Variants in P2RX7 observed in about 807,000 individuals in gnomAD.
P2RX7 encodes the protein purinergic receptor P2X 7.
A neutral mutation model predicts 71.6 loss-of-function variants in P2RX7; 62 were observed. That is an observed-to-expected ratio of 0.87 (90% CI 0.71 to 1.07). P2RX7 has a LOEUF of 1.07. Among genes scored for constraint, P2RX7 ranks in the 50% least tolerant of loss-of-function variants. The pLI is 0.00. For synonymous variants in P2RX7, 299 were observed against 283.3 expected (o/e 1.06, Z -0.56); for missense variants, 686 against 748.5 (o/e 0.92, Z 0.97).
chr12:121,163,914 C>T (rs1028394586), intron 5 of P2RX7, among the ~76,000 whole-genome samples: 2 of 152,116 alleles, frequency 1.3e-5, no homozygotes, highest in South Asian at 2.1e-4. Context: ...AAGGCTCAGG[C>T]GAAGGTTTCC....
intron 1 of P2RX7, among the ~76,000 whole-genome samples, chr12:121,137,432 TG>T (rs1873933527): frequency 6.6e-6 from 1 of 152,198 alleles, no homozygotes; most frequent in Non-Finnish European, 1.5e-5. Flanking sequence ...ACAATTTAAG[TG>T]TTTAAAAGGC....
rs550419635 is a variant in P2RX7 at position 121,175,802 on chromosome 12, A to G, written c.972+324A>G. ...CAATTCAAATTGGCTTAAGGGGAAA[A>G]AAAAAGTTTTGAGTGGGCTTTTTTG... is the stretch of plus-strand genomic sequence containing the variant. On this transcript the variant is annotated intron_variant, in intron 9 of 12. Coordinates refer to ENST00000328963, the MANE Select transcript of P2RX7 (RefSeq NM_002562.6). Among the ~76,000 whole-genome samples, 469 of 151,772 alleles carry G rather than the reference A, an allele frequency of 3.1e-3. 2 individuals carry two copies. The highest frequency in any genetic ancestry group is 0.011 in the African/African-American group (450 of 41,328).
Position 121,175,448 on chromosome 12 carries a change from G to A in P2RX7, c.942G>A (p.Gly314=). Residue 314 remains glycine (G), a synonymous_variant, in exon 9 of 13, where the codon GGG becomes GGA. Transcript: ENST00000328963. ...VEKRTLIKVF[G]IRFDILVFGT... ...AACGGACTCTGATAAAAGTCTTCGG[G>A]ATCCGTTTTGACATCCTGGTTTTTG... The A allele has an allele frequency of 6.4e-7, 1 of 1,568,328 alleles. No individual in the cohort carries two copies. The highest frequency in any genetic ancestry group is 1.1e-5 in the South Asian group (1 of 90,170).
intron 5 of P2RX7, among the ~76,000 whole-genome samples, chr12:121,162,983 G>GAAAGGA (rs113897828): frequency 8.2e-4 from 124 of 151,882 alleles, no homozygotes; most frequent in African/African-American, 2.6e-3. Context: ...AAGAGGGGGG[G>GAAAGGA]AAGGAAGTTT....
At chr12:121,181,353 C>T (rs375940048) in intron 12 of P2RX7, among the ~76,000 whole-genome samples, 49 of 152,142 alleles carry the variant, frequency 3.2e-4, no homozygotes, top group African/African-American at 1.1e-3. Flanking sequence ...ATGCCAATAA[C>T]GCTGCTATGC....
rs560162642 is a variant in P2RX7, at chr12:121,150,176, C to T, written c.126-4609C>T. ...CTCACTTTCATGATCACAGTATCCC[C>T]CCCGACAGGTAAAGTGTGCAAACTC... On this transcript the variant is annotated intron_variant, in intron 1 of 12. Coordinates refer to ENST00000328963, the MANE Select transcript of P2RX7 (RefSeq NM_002562.6). Among the ~76,000 whole-genome samples the T allele has an allele frequency of 4.6e-4, 70 of 152,264 alleles. No homozygotes were observed. The South Asian group carries it at 0.012, about 26-fold the overall frequency.
intron 3 of P2RX7, 81 bp downstream of exon 3, chr12:121,156,228 A>C (rs1593055321): frequency 8.8e-7 from 1 of 1,137,480 alleles, no homozygotes; most frequent in Admixed American, 1.7e-5. Flanking sequence ...AGAAATGCGG[A>C]CCCTGGGGTG....
chr12:121,154,869 G>A lies in P2RX7; in HGVS notation c.210G>A (p.Glu70=), dbSNP rs200965514. 6.2e-7 allele frequency: 1 copy of A among 1,614,092 alleles called. No individual in the cohort carries two copies. The highest frequency in any genetic ancestry group is 1.7e-5 in the Admixed American group (1 of 60,006). ...ACACCAAGGTGAAGGGGATAGCAGA[G>A]GTGAAAGAGGAGATCGTGGAGAATG... ...SVHTKVKGIA[E]VKEEIVENGV... The change falls in exon 2 of 13, where the codon GAG becomes GAA. Residue 70 remains glutamate (E), a synonymous_variant. Coordinates refer to ENST00000328963, the MANE Select transcript of P2RX7 (RefSeq NM_002562.6). This position sits in a 1 kb window ranked among gnomAD's most constrained non-coding sequence, Gnocchi z 4.2.
intron 1 of P2RX7, among the ~76,000 whole-genome samples, chr12:121,136,023 A>AAAAAAAAAAAAAAAAAAATATAT: frequency 1.3e-4 from 2 of 15,262 alleles, no homozygotes; most frequent in Non-Finnish European, 1.8e-4. Flanking sequence ...AAAAAAAAAA[A>AAAAAAAAAAAAAAAAAAATATAT]ATATATATAT....
At chr12:121,182,043 A>C (rs1044308136) in intron 12 of P2RX7, among the ~76,000 whole-genome samples, 2 of 150,832 alleles carry the variant, frequency 1.3e-5, no homozygotes, top group Non-Finnish European at 2.9e-5. Flanking sequence ...TAGCCTGGGC[A>C]ACAGAACAAG....
intron 1 of P2RX7, among the ~76,000 whole-genome samples, chr12:121,142,859 C>T (rs1875259376): frequency 6.6e-6 from 1 of 152,062 alleles, no homozygotes; most frequent in Non-Finnish European, 1.5e-5. Context: ...GAGGCTGAGA[C>T]AGGTGGATCA....
intron 1 of P2RX7, among the ~76,000 whole-genome samples, chr12:121,140,148 G>A (rs672632): frequency 0.017 from 2,572 of 152,252 alleles, 86 homozygotes; most frequent in African/African-American, 0.058. Flanking sequence ...AACCCAGTTC[G>A]GGAAGTGACC....
rs1200147624 is a variant in P2RX7 at position 121,154,857 on chromosome 12, G to A, written c.198G>A (p.Lys66=). 1.2e-6 allele frequency: 2 copies of A among 1,614,226 alleles called. No individual in the cohort carries two copies. The highest frequency in any genetic ancestry group is 2.7e-5 in the African/African-American group (2 of 75,060). The change falls in exon 2 of 13, where the codon AAG becomes AAA. Residue 66 remains lysine, a synonymous_variant. Coordinates refer to ENST00000328963, the MANE Select transcript of P2RX7 (RefSeq NM_002562.6). The surrounding 1 kb of genome is among the most constrained non-coding windows in gnomAD (Gnocchi z 4.2). ...TCAGTTCTGTGCACACCAAGGTGAA[G>A]GGGATAGCAGAGGTGAAAGAGGAGA... ...PVISSVHTKV[K]GIAEVKEEIV...
chr12:121,167,445 C>G, intron 7 of P2RX7, 43 bp from the exon 8 acceptor site: 2 of 1,606,610 alleles, frequency 1.2e-6, no homozygotes, highest in Non-Finnish European at 1.7e-6. Context: ...TTGCGTAACT[C>G]ACACCCAGCA....
chr12:121,144,352 C>T (rs1040811706), intron 1 of P2RX7, among the ~76,000 whole-genome samples: 25 of 152,144 alleles, frequency 1.6e-4, no homozygotes, highest in African/African-American at 6.0e-4. Context: ...CGTGCACCAA[C>T]ACACCTGGCT....
chr12:121,175,325 A>C (rs949823212), intron 8 of P2RX7, 63 bp from the exon 9 acceptor site: 380 of 1,032,626 alleles, frequency 3.7e-4, no homozygotes, highest in East Asian at 1.7e-4. Flanking sequence ...AAAAAAAAAA[A>C]AAAACCCAAA....
intron 7 of P2RX7, among the ~76,000 whole-genome samples, chr12:121,167,231 T>A (rs1335357089): frequency 1.3e-5 from 2 of 151,174 alleles, no homozygotes; most frequent in Non-Finnish European, 2.9e-5. Context: ...GGTACAGGAG[T>A]GGTCTGTTGA....
Position 121,181,105 on chromosome 12 carries a change from G to A in P2RX7, c.1290+650G>A, listed in dbSNP as rs373574679. On this transcript the variant is annotated intron_variant, in intron 12 of 12. Coordinates refer to ENST00000328963, the MANE Select transcript of P2RX7 (RefSeq NM_002562.6). ...CTCTCTTAAAAGTAGTCATTATCCT[G>A]TTTCCAAAGATTAATTTTACTTTGG... Among the ~76,000 whole-genome samples the A allele has an allele frequency of 5.9e-4, 90 of 152,228 alleles. 1 individual carries two copies. In the South Asian group the frequency reaches 0.018, roughly 31 times the overall value.
chr12:121,137,757 A>G (rs1316328512), intron 1 of P2RX7, among the ~76,000 whole-genome samples: 2 of 152,232 alleles, frequency 1.3e-5, no homozygotes, highest in Admixed American at 6.5e-5. Context: ...TGTATTTTGC[A>G]TCAAGTAGGA....
Sources: gnomAD v4.1 joint callset for allele counts (sites outside exome capture counted in the v4.1 genomes callset) on GRCh38, gnomAD v4.1.1 for gene constraint, Gnocchi (gnomAD v3.1) non-coding constraint, MANE v1.5 for transcripts, NCBI Gene and HGNC (gene_info 2026-07-23, HGNC 2026-07-21) for gene names.